TRDN: variants seen among roughly 807,000 people sequenced by gnomAD.
TRDN encodes triadin.
TRDN carries 161 observed loss-of-function variants against 149.7 expected under a neutral mutation model. That is an observed-to-expected ratio of 1.08 (90% confidence interval 0.95 to 1.23). The LOEUF (loss-of-function observed/expected upper bound fraction) is 1.23. Ranked by LOEUF, TRDN falls within the 50% of genes most tolerant of loss-of-function variation. The pLI is 0.00. For missense variants in TRDN, 896 were observed against 823.5 expected, an observed-to-expected ratio of 1.09 and a Z score of -1.08; for synonymous variants, 294 against 250.5, an observed-to-expected ratio of 1.17 and a Z score of -1.64.
intron 33 of TRDN, 62 bp from the exon 34 acceptor site, chr6:123,260,700 T>C (rs2114589119): frequency 9.3e-6 from 12 of 1,294,470 alleles, no homozygotes; most frequent in Non-Finnish European, 4.1e-6. Flanking sequence ...AGAAAAAGTA[T>C]AGTTTTTTAT....
intron 37 of TRDN, 192 bp downstream of exon 37, chr6:123,254,889 T>A: frequency 3.9e-6 from 2 of 509,034 alleles, no homozygotes; most frequent in Non-Finnish European, 7.3e-6. Flanking sequence ...TTCTGATTTC[T>A]TCATGTTTTC....
At chr6:123,448,296 C>G (rs1408313970) in intron 10 of TRDN, among the ~76,000 whole-genome samples, 1 of 152,168 alleles carries the variant, frequency 6.6e-6, no homozygotes, top group East Asian at 1.9e-4. Flanking sequence ...GGGGAAGAAC[C>G]AAGCCCTTTT....
At chr6:123,370,873 C>T (rs1302476201) in intron 19 of TRDN, among the ~76,000 whole-genome samples, 1 of 146,130 alleles carries the variant, frequency 6.8e-6, no homozygotes, top group East Asian at 2.0e-4. Context: ...ATATCTAGTG[C>T]CCATTTTTTT....
At chr6:123,537,879 T>C (rs1363301672) in intron 4 of TRDN, among the ~76,000 whole-genome samples, 2 of 152,232 alleles carry the variant, frequency 1.3e-5, no homozygotes, top group Non-Finnish European at 1.5e-5. Flanking sequence ...TTTTATCTAC[T>C]TATGATCATA....
intron 12 of TRDN, 79 bp from the exon 13 acceptor site, chr6:123,393,756 C>G: frequency 7.6e-7 from 1 of 1,320,960 alleles, no homozygotes; most frequent in Admixed American, 2.2e-5. Context: ...CAGGGGAGCA[C>G]AAACACAAAC....
chr6:123,438,841 A>G (rs948041158), intron 11 of TRDN, 103 bp downstream of exon 11: 16 of 874,506 alleles, frequency 1.8e-5, no homozygotes, highest in Non-Finnish European at 2.4e-5. Flanking sequence ...ATGACAATGC[A>G]TTTATTAAGG....
chr6:123,233,976 T>C (rs1397089813), intron 38 of TRDN, among the ~76,000 whole-genome samples: 2 of 152,046 alleles, frequency 1.3e-5, no homozygotes, highest in African/African-American at 4.8e-5. Context: ...ATTCATGCAC[T>C]CTACTATTTT....
At chr6:123,502,055 C>T in intron 8 of TRDN, 1 of 983,286 alleles carries the variant, frequency 1.0e-6, no homozygotes. Context: ...TAACTGGCAT[C>T]AATTTTTACA....
chr6:123,529,373 T>C lies in TRDN; in HGVS notation c.484+1133A>G, dbSNP rs1780112051. ...TTAGTTTCCTAAGTACAAATATAAA[T>C]AGGTTTCAACTGAGTGAGCTTCAAT... On this transcript the variant is annotated intron_variant, in intron 5 of 40. Coordinates refer to ENST00000334268, the MANE Select transcript of TRDN (RefSeq NM_006073.4). 14 of 1,545,454 alleles carry C rather than the reference T, an allele frequency of 9.1e-6. No individual in the cohort carries two copies. Among genetic ancestry groups the C allele is most frequent in the Non-Finnish European group, 1.2e-5 (14 of 1,143,134 alleles).
chr6:123,562,932 G>C (rs1782078928), intron 2 of TRDN, among the ~76,000 whole-genome samples: 2 of 152,124 alleles, frequency 1.3e-5, no homozygotes, highest in South Asian at 4.1e-4. Flanking sequence ...TCCAATCCTT[G>C]CTTTTCAATA....
chr6:123,218,134 TG>T lies in TRDN; in HGVS notation c.*466del, dbSNP rs34588804. On this transcript the variant is annotated 3_prime_UTR_variant, in exon 41 of 41. Coordinates refer to ENST00000334268, the MANE Select transcript of TRDN (RefSeq NM_006073.4). ...ATAAAATCATTAAGCATCAACTTAT[TG>T]GGTAAATTAAGTTTAGATACCCATA... 5 of 152,056 alleles carry T rather than the reference TG, an allele frequency of 3.3e-5. No individual in the cohort carries two copies. The highest frequency in any genetic ancestry group is 4.8e-5 in the African/African-American group (2 of 41,408). The allele number at this position is 152,056 out of a possible 1,614,324, so 9.4% of individuals were successfully genotyped here. A position where few individuals can be genotyped will look rare whatever the true frequency, so the allele number is the denominator to read the frequency against.
intron 1 of TRDN, among the ~76,000 whole-genome samples, chr6:123,633,007 C>T (rs74919456): frequency 0.064 from 9,797 of 151,994 alleles, 1,029 homozygotes; most frequent in African/African-American, 0.22. Context: ...AGCAGTGAAA[C>T]GTGATTCGGC....
intron 4 of TRDN, among the ~76,000 whole-genome samples, chr6:123,531,570 A>T (rs1435561748): frequency 6.6e-6 from 1 of 151,952 alleles, no homozygotes; most frequent in Non-Finnish European, 1.5e-5. Flanking sequence ...TTTCTTCCTA[A>T]TTTTTCTCAT....
At chr6:123,569,304 C>T (rs1464687310) in intron 2 of TRDN, among the ~76,000 whole-genome samples, 1 of 152,146 alleles carries the variant, frequency 6.6e-6, no homozygotes, top group African/African-American at 2.4e-5. Flanking sequence ...ATATCAGTAT[C>T]AGCATTTTGG....
Position 123,403,125 on chromosome 6 carries a change from C to T in TRDN, c.1052-9448G>A, listed in dbSNP as rs970834809. 4.6e-5 allele frequency among the ~76,000 whole-genome samples: 7 copies of T among 152,032 alleles called. No individual in the cohort carries two copies. In the South Asian group the frequency reaches 8.3e-4, roughly 18 times the overall value. ...GAACAGAAGGCTTCAGACTACCATC[C>T]TATCAAGAAATATATTAGTTAATAA... On this transcript the variant is annotated intron_variant, in intron 12 of 40. Coordinates refer to ENST00000334268, the MANE Select transcript of TRDN (RefSeq NM_006073.4).
At chr6:123,390,690 T>C (rs1426751309) in intron 13 of TRDN, among the ~76,000 whole-genome samples, 1 of 152,130 alleles carries the variant, frequency 6.6e-6, no homozygotes, top group African/African-American at 2.4e-5. Flanking sequence ...GTGTTCCACG[T>C]GTCCTACTTC....
intron 19 of TRDN, among the ~76,000 whole-genome samples, chr6:123,366,814 G>A (rs532111936): frequency 1.3e-5 from 2 of 152,160 alleles, no homozygotes; most frequent in Admixed American, 6.5e-5. Context: ...CACCACGCCC[G>A]GCCATAGTCT....
At chr6:123,284,458 C>A (rs1263093730) in intron 24 of TRDN, among the ~76,000 whole-genome samples, 2 of 151,820 alleles carry the variant, frequency 1.3e-5, no homozygotes. Flanking sequence ...TTGATAAAAT[C>A]CAGCATCACT....
intron 8 of TRDN, chr6:123,503,393 C>T: frequency 1.0e-6 from 1 of 985,290 alleles, no homozygotes; most frequent in African/African-American, 1.7e-5. Flanking sequence ...CACATACAAT[C>T]TTTATTCCAC....
Sources: gnomAD v4.1 joint callset for allele counts (sites outside exome capture counted in the v4.1 genomes callset) on GRCh38, gnomAD v4.1.1 for gene constraint, MANE v1.5 for transcripts, NCBI Gene and HGNC (gene_info 2026-07-23, HGNC 2026-07-21) for gene names.